The following PIEZO1 variants were observed in gnomAD, a reference collection of about 807,000 sequenced individuals.
The protein encoded by PIEZO1 is piezo type mechanosensitive ion channel component 1 (Er blood group).
PIEZO1 carries 296 observed loss-of-function variants against 297.2 expected under a neutral mutation model. The observed-to-expected ratio is 1.00, with a 90% CI of 0.91 to 1.10. The LOEUF is 1.10. Among genes scored for constraint, PIEZO1 ranks in the 50% least tolerant of loss-of-function variants. PIEZO1 has a pLI of 0.00. For missense variants in PIEZO1, 5,018 were observed against 3,455.5 expected (o/e 1.45, Z -11.34); for synonymous variants, 2,427 against 1,507.5 (o/e 1.61, Z -14.13).
At chr16:88,716,337 C>T in intron 48 of PIEZO1, 24 bp downstream of exon 48, 1 of 1,510,362 alleles carries the variant, frequency 6.6e-7, no homozygotes. Flanking sequence ...GCCCTCCTGC[C>T]CACCACCCGG....
In PIEZO1 at chr16:88,734,473, C is replaced by G. The variant is rs866496600; in HGVS notation, c.2063G>C (p.Gly688Ala). 6.5e-7 allele frequency: 1 copy of G among 1,549,754 alleles called. No homozygotes were observed. Among genetic ancestry groups the G allele is most frequent in the East Asian group, 2.4e-5 (1 of 40,916 alleles). Residue 688 changes from glycine (G) to alanine (A), a missense_variant, in exon 16 of 51, where the codon GGC becomes GCC. Physicochemically the swap from Gly to Ala is moderately conservative, Grantham distance 60. Transcript: ENST00000301015. The part of the protein sequence containing the change: ...SELFSSILVP[G>A]FFLLACILQL... ...CAGGATGCAGGCCAGGAGGAAGAAG[C>G]CGGGCACCAGGATGCTGGAGAAGAG...
rs764512143 is a variant in PIEZO1, at chr16:88,716,797, G to A, written c.6753+9C>T. ...CCACACCAGCTTTCACAGGGCAGAG[G>A]CCACTTACCGGCTGGGGGTCAAACT... is the stretch of plus-strand genomic sequence containing the variant. On this transcript the variant is annotated intron_variant, in intron 46 of 50. Coordinates refer to ENST00000301015, the MANE Select transcript of PIEZO1 (RefSeq NM_001142864.4). The A allele has an allele frequency of 2.0e-5, 31 of 1,549,690 alleles. No homozygotes were observed. The African/African-American group carries it at 2.7e-4, about 14-fold the overall frequency.
Position 88,741,463 on chromosome 16 carries a change from C to G in PIEZO1, c.465+15G>C, listed in dbSNP as rs368667885. The stretch of plus-strand genomic sequence containing the variant: ...AATGACCTCCCTGACACACGGGTGA[C>G]GCAGCTGCCCTCACCAGCTCCCGTG... On this transcript the variant is annotated intron_variant, in intron 5 of 50. Transcript: ENST00000301015. 1 of 1,526,632 alleles carries G rather than the reference C, an allele frequency of 6.6e-7. No homozygotes were observed. The highest frequency in any genetic ancestry group is 8.8e-7 in the Non-Finnish European group (1 of 1,141,434). The allele number at this position is 1,526,632 out of a possible 1,614,324, so 94.6% of individuals were successfully genotyped here. A position where few individuals can be genotyped will look rare whatever the true frequency, so the allele number is the denominator to read the frequency against.
intron 44 of PIEZO1, chr16:88,717,475 G>A (rs1004973202): frequency 3.7e-5 from 22 of 599,054 alleles, no homozygotes; most frequent in Non-Finnish European, 6.8e-5. Flanking sequence ...CACGGTGCAG[G>A]CACCGCCCCA....
intron 23 of PIEZO1, 110 bp downstream of exon 23, chr16:88,727,447 G>A (rs999361384): frequency 5.6e-5 from 36 of 646,962 alleles, no homozygotes; most frequent in Middle Eastern, 6.1e-4. Context: ...CCATGTGCCT[G>A]ACCACACCTC....
chr16:88,739,396 T>C (rs575738235), intron 5 of PIEZO1: 107 of 152,342 alleles, frequency 7.0e-4, no homozygotes, highest in African/African-American at 2.4e-3. Context: ...AAGCCAGGTG[T>C]GGTGGAAAGA....
chr16:88,716,010 G>C lies in PIEZO1; in HGVS notation c.7239C>G (p.Thr2413=), dbSNP rs373349986. ...WWVIELQECR[T]DCNLLPMVIF... ...TGACCATGGGCAGCAGGTTGCAGTCGGTCCGGCACTCCTGCAGCTCGATGA... is the reference window on the plus strand; with the variant it reads ...TGACCATGGGCAGCAGGTTGCAGTCCGTCCGGCACTCCTGCAGCTCGATGA... The change falls in exon 50 of 51, where the codon ACC becomes ACG. Residue 2413 remains threonine, a synonymous_variant. Transcript: ENST00000301015. 5.8e-5 allele frequency: 90 copies of C among 1,550,078 alleles called. No homozygotes were observed. The highest frequency in any genetic ancestry group is 7.1e-5 in the Non-Finnish European group (82 of 1,146,914).
chr16:88,721,750 G>T (rs368483152), intron 37 of PIEZO1, 24 bp from the exon 38 acceptor site: 4 of 1,534,924 alleles, frequency 2.6e-6, no homozygotes, highest in African/African-American at 2.8e-5. Flanking sequence ...GGCTCAGCAC[G>T]CGGGGAGGGT....
chr16:88,783,654 C>G lies in PIEZO1; in HGVS notation c.64+1247G>C, dbSNP rs991865308. Among the ~76,000 whole-genome samples, 8 of 152,344 alleles carry G rather than the reference C, an allele frequency of 5.3e-5. No individual in the cohort carries two copies. In the South Asian group the frequency reaches 1.4e-3, roughly 28 times the overall value. On this transcript the variant is annotated intron_variant, in intron 1 of 50. Transcript: ENST00000301015. ...TGTTTACGGCCCATCTGACCCTGCA[C>G]TGGGAGCAGGTCCCAGGCTGCCCAG...
intron 2 of PIEZO1, chr16:88,742,941 C>A: frequency 2.5e-6 from 1 of 392,802 alleles, no homozygotes; most frequent in South Asian, 1.8e-5. Flanking sequence ...TGAGGGGCTG[C>A]AAGGAGAAGT....
At chr16:88,715,894 C>T in intron 50 of PIEZO1, 39 bp downstream of exon 50, 1 of 1,539,828 alleles carries the variant, frequency 6.5e-7, no homozygotes, top group Non-Finnish European at 8.8e-7. Context: ...CGCCCGGAGC[C>T]CCCCGAGCTG....
In PIEZO1 at chr16:88,721,280, C is replaced by G; in HGVS notation, c.5554G>C (p.Asp1852His). 6.5e-7 allele frequency: 1 copy of G among 1,544,606 alleles called. No individual in the cohort carries two copies. Among genetic ancestry groups the G allele is most frequent in the Middle Eastern group, 1.7e-4 (1 of 5,988 alleles). ...TCCACTTGGGGTTCTGGGGTCCCGT[C>G]CGTGGGTCCGACCCTGGCTTCCACC... ...IQVEARVGPT[D>H]GTPEPQVELR... Residue 1852 changes from aspartate (D) to histidine (H), a missense_variant, in exon 39 of 51, where the codon GAC becomes CAC. Transcript: ENST00000301015.
chr16:88,733,894 C>T lies in PIEZO1; in HGVS notation c.2329+12G>A, dbSNP rs939999199. On this transcript the variant is annotated intron_variant, in intron 17 of 50. Coordinates refer to ENST00000301015, the MANE Select transcript of PIEZO1 (RefSeq NM_001142864.4). ...GACTGGGTGGCAGCTGTGCTCTGCCCGCCCAACCCACCTTCAGGCACCTGC... is the reference window on the plus strand; with the variant it reads ...GACTGGGTGGCAGCTGTGCTCTGCCTGCCCAACCCACCTTCAGGCACCTGC... 1.8e-5 allele frequency: 26 copies of T among 1,482,630 alleles called. No homozygotes were observed. The highest frequency in any genetic ancestry group is 4.0e-5 in the South Asian group (3 of 75,628). The allele number at this position is 1,482,630 out of a possible 1,614,324, so 91.8% of individuals were successfully genotyped here.
intron 1 of PIEZO1, among the ~76,000 whole-genome samples, chr16:88,773,857 C>T (rs114018907): frequency 6.6e-6 from 1 of 152,106 alleles, no homozygotes; most frequent in Non-Finnish European, 1.5e-5. Flanking sequence ...CAGTGCAGGG[C>T]CCCACCGGAG....
chr16:88,722,851 G>A lies in PIEZO1; in HGVS notation c.4654C>T (p.Gln1552Ter), dbSNP rs997142326. 2 of 1,546,824 alleles carry A rather than the reference G, an allele frequency of 1.3e-6. No individual in the cohort carries two copies. Among genetic ancestry groups the A allele is most frequent in the Non-Finnish European group, 8.7e-7 (1 of 1,146,708 alleles). ...VLRAERYLLT[Q>*]ELLQGGEVHR... ...GGCAGGCTCACCTGCAGGAGCTCCT[G>A]TGTGAGGAGGTAGCGCTCTGCCCGC... is the stretch of plus-strand genomic sequence containing the variant. The change falls in exon 34 of 51, where the codon CAG becomes TAG. Residue 1552 changes from glutamine (Q) to a stop codon, truncating the protein, a stop_gained. Transcript: ENST00000301015. LOFTEE classifies it high-confidence loss of function.
chr16:88,731,813 T>G lies in PIEZO1; in HGVS notation c.3089A>C (p.His1030Pro). The change falls in exon 22 of 51, where the codon CAC becomes CCC. Residue 1030 changes from histidine (H) to proline (P), a missense_variant. His to Pro is a moderately conservative substitution (Grantham distance 77). Coordinates refer to ENST00000301015, the MANE Select transcript of PIEZO1 (RefSeq NM_001142864.4). ...CCAGAGGCGGGCAATGGCCTGGCGG[T>G]GCCTGCGGGTGAGGATGGCCACCAG... ...CWLVAILTRR[H>P]RQAIARLWPN... The G allele has an allele frequency of 1.5e-6, 2 of 1,376,034 alleles. No individual in the cohort carries two copies. Among genetic ancestry groups the G allele is most frequent in the Non-Finnish European group, 1.9e-6 (2 of 1,044,614 alleles). The allele number at this position is 1,376,034 out of a possible 1,614,324, so 85.2% of individuals were successfully genotyped here.
intron 1 of PIEZO1, among the ~76,000 whole-genome samples, chr16:88,765,956 G>A (rs1302177537): frequency 1.3e-5 from 2 of 152,136 alleles, no homozygotes; most frequent in African/African-American, 4.8e-5. Flanking sequence ...ATACAGGTGT[G>A]AGCACTGCAC....
intron 1 of PIEZO1, among the ~76,000 whole-genome samples, chr16:88,777,563 C>T (rs867324917): frequency 6.6e-6 from 1 of 152,202 alleles, no homozygotes; most frequent in Non-Finnish European, 1.5e-5. Context: ...AAAAGTAAAT[C>T]CCCGCTGAGG....
rs535879717 is a variant in PIEZO1, at chr16:88,776,613, G to A, written c.64+8288C>T. Reference sequence around the variant, plus strand: ...GTGTGCTCAGGGCATCTGGGGAGGCGAAGCCACGGGAGGTTAGCAGGGAAT... The same window carrying A: ...GTGTGCTCAGGGCATCTGGGGAGGCAAAGCCACGGGAGGTTAGCAGGGAAT... On this transcript the variant is annotated intron_variant, in intron 1 of 50. Transcript: ENST00000301015. Among the ~76,000 whole-genome samples, 467 of 152,174 alleles carry A rather than the reference G, an allele frequency of 3.1e-3. 2 individuals carry two copies. The highest frequency in any genetic ancestry group is 0.011 in the African/African-American group (443 of 41,532).
Sources: allele counts gnomAD v4.1 joint callset (sites outside exome capture counted in the v4.1 genomes callset), GRCh38; gene constraint gnomAD v4.1.1; transcripts MANE v1.5; gene names NCBI Gene and HGNC (gene_info 2026-07-23, HGNC 2026-07-21).